Variants in TMLHE observed in about 807,000 individuals in gnomAD.
TMLHE encodes the protein trimethyllysine dioxygenase, mitochondrial.
Under a neutral mutation model 25.7 loss-of-function variants are expected in TMLHE, and 18 were observed. The ratio of observed to expected loss-of-function variants is 0.70; its 90% CI spans 0.48 to 1.04. The LOEUF is 1.04. Among genes scored for constraint, TMLHE ranks in the 50% least tolerant of loss-of-function variants. The probability of loss-of-function intolerance (pLI) is 0.00; values close to 1 mark genes in which losing one functional copy is unlikely to be tolerated. For synonymous variants in TMLHE, 105 were observed against 97.0 expected (o/e 1.08, Z -0.49); for missense variants, 236 against 259.0 (o/e 0.91, Z 0.61).
intron 1 of TMLHE, among the ~76,000 whole-genome samples, chrX:155,601,355 T>C (rs1202194362): frequency 8.9e-6 from 1 of 112,253 alleles, no homozygotes; most frequent in African/African-American, 3.2e-5. Flanking sequence ...CATAAAACAG[T>C]ATTTTTAAAA....
intron 1 of TMLHE, among the ~76,000 whole-genome samples, chrX:155,563,916 C>T (rs1557342011): frequency 1.6e-5 from 1 of 61,551 alleles, no homozygotes; most frequent in East Asian, 7.0e-4. Context: ...TGTCTGGTTG[C>T]CTTATTACAA....
At chrX:155,550,964 T>C (rs1357001118) in intron 1 of TMLHE, among the ~76,000 whole-genome samples, 1 of 110,686 alleles carries the variant, frequency 9.0e-6, no homozygotes, top group African/African-American at 3.3e-5. Flanking sequence ...ACCAAAGATA[T>C]TTTTACTTTT....
intron 1 of TMLHE, among the ~76,000 whole-genome samples, chrX:155,578,708 G>A (rs1340997829): frequency 2.2e-4 from 24 of 110,905 alleles, no homozygotes; most frequent in Admixed American, 1.1e-3. Flanking sequence ...CAAGCCACCC[G>A]GAGGCCCAAG....
chrX:155,595,144 T>G (rs1557346397), intron 1 of TMLHE, among the ~76,000 whole-genome samples: 1 of 111,962 alleles, frequency 8.9e-6, no homozygotes, highest in Admixed American at 9.5e-5. Flanking sequence ...ATGATGCCAT[T>G]CACGGTCAAG....
chrX:155,512,845 G>A, intron 4 of TMLHE, among the ~76,000 whole-genome samples: 2 of 111,835 alleles, frequency 1.8e-5, no homozygotes, highest in Middle Eastern at 4.6e-3. Context: ...TACCATTGTT[G>A]TTGTGTCTCT....
chrX:155,558,617 A>C (rs2067474439), intron 1 of TMLHE, among the ~76,000 whole-genome samples: 1 of 111,676 alleles, frequency 9.0e-6, no homozygotes, highest in Non-Finnish European at 1.9e-5. Context: ...GCTTAATCTT[A>C]ATGTCTGCTT....
intron 1 of TMLHE, among the ~76,000 whole-genome samples, chrX:155,568,920 C>T (rs2067527694): frequency 1.6e-5 from 1 of 61,591 alleles, no homozygotes; most frequent in African/African-American, 3.7e-5. Flanking sequence ...CTCTAAAAAG[C>T]AGAGCACCTC....
At chrX:155,527,658 A>C (rs2067227600) in intron 2 of TMLHE, among the ~76,000 whole-genome samples, 1 of 112,309 alleles carries the variant, frequency 8.9e-6, no homozygotes, top group African/African-American at 3.2e-5. Flanking sequence ...CCCAATTTAC[A>C]AAAGAAAAGA....
At chrX:155,547,885 C>T (rs782578941) in intron 1 of TMLHE, among the ~76,000 whole-genome samples, 2 of 110,918 alleles carry the variant, frequency 1.8e-5, no homozygotes, top group Admixed American at 9.6e-5. Flanking sequence ...TAATTAAAAT[C>T]TCCACACCTG....
Position 155,539,880 on chromosome X carries a change from G to A in TMLHE, c.181+5216C>T, listed in dbSNP as rs781871396. Among the ~76,000 whole-genome samples the A allele has an allele frequency of 2.0e-3, 223 of 110,755 alleles. 1 individual carries two copies. The highest frequency in any genetic ancestry group is 7.1e-3 in the African/African-American group (216 of 30,589). On this transcript the variant is annotated intron_variant, in intron 2 of 7. Coordinates refer to ENST00000334398, the MANE Select transcript of TMLHE (RefSeq NM_018196.4). Reference sequence around the variant, plus strand: ...AGAATCAAACAGAAATTCTGGAACTGAAGTATCTAATAATCGAATTGGAGA... The same window carrying A: ...AGAATCAAACAGAAATTCTGGAACTAAAGTATCTAATAATCGAATTGGAGA...
chrX:155,607,874 T>A (rs1371515241), intron 1 of TMLHE, among the ~76,000 whole-genome samples: 8 of 111,368 alleles, frequency 7.2e-5, no homozygotes, highest in Non-Finnish European at 3.8e-5. Flanking sequence ...ATATCTGCAA[T>A]GAGAATTACA....
At chrX:155,507,184 C>A (rs1469777471) in intron 5 of TMLHE, 50 bp from the exon 6 acceptor site, 1 of 828,765 alleles carries the variant, frequency 1.2e-6, no homozygotes, top group Non-Finnish European at 1.7e-6. Flanking sequence ...GAGAACATAT[C>A]AAAATTCTAG....
chrX:155,577,185 G>A (rs371382701), intron 1 of TMLHE, among the ~76,000 whole-genome samples: 8 of 112,151 alleles, frequency 7.1e-5, no homozygotes, highest in African/African-American at 2.6e-4. Flanking sequence ...CCATTAAAGA[G>A]TGGGCAAAAC....
At chrX:155,549,511 G>C (rs1231287682) in intron 1 of TMLHE, among the ~76,000 whole-genome samples, 6 of 110,307 alleles carry the variant, frequency 5.4e-5, no homozygotes, top group Non-Finnish European at 1.9e-5. Flanking sequence ...TTCTAGTAAA[G>C]TGGTTAATTA....
intron 3 of TMLHE, among the ~76,000 whole-genome samples, chrX:155,523,868 C>A (rs1417641256): frequency 1.8e-5 from 2 of 111,706 alleles, no homozygotes; most frequent in East Asian, 2.8e-4. Context: ...AGATCCTATA[C>A]ATATTTTGTT....
In TMLHE at chrX:155,603,369, T is replaced by TGAATGAAAGAAA. The variant is rs1341300723; in HGVS notation, c.-2+9422_-2+9423insTTTCTTTCATTC. ...AGAAAGAAGAAAAGAAAAGAAAGAA[T>TGAATGAAAGAAA]GAAAGAAAGAAAGAAAGAAAGAAAG... is the stretch of plus-strand genomic sequence containing the variant. On this transcript the variant is annotated intron_variant, in intron 1 of 7. Transcript: ENST00000334398. Among the ~76,000 whole-genome samples the TGAATGAAAGAAA allele has an allele frequency of 3.2e-3, 315 of 99,304 alleles. 6 individuals are homozygous for TGAATGAAAGAAA. Among genetic ancestry groups the TGAATGAAAGAAA allele is most frequent in the African/African-American group, 0.011 (287 of 25,750 alleles). 86.2% of individuals were successfully genotyped at this position (99,304 alleles called of 115,157 possible).
At chrX:155,601,814 A>G (rs2067757820) in intron 1 of TMLHE, among the ~76,000 whole-genome samples, 1 of 111,032 alleles carries the variant, frequency 9.0e-6, no homozygotes, top group Admixed American at 9.6e-5. Context: ...GAAGACATAA[A>G]CAGGTTAAAA....
At chrX:155,593,091 T>C (rs2067701984) in intron 1 of TMLHE, among the ~76,000 whole-genome samples, 1 of 111,332 alleles carries the variant, frequency 9.0e-6, no homozygotes, top group Non-Finnish European at 1.9e-5. Context: ...CTACTGAGCA[T>C]AGAAGATACT....
At chrX:155,512,342 C>T (rs1370682124) in intron 4 of TMLHE, among the ~76,000 whole-genome samples, 2 of 97,930 alleles carry the variant, frequency 2.0e-5, no homozygotes, top group Non-Finnish European at 4.1e-5. Flanking sequence ...CAACAGTCCC[C>T]AGAGTGTGAT....
Sources: allele counts gnomAD v4.1 joint callset (sites outside exome capture counted in the v4.1 genomes callset), GRCh38; gene constraint gnomAD v4.1.1; transcripts MANE v1.5; gene names NCBI Gene and HGNC (gene_info 2026-07-23, HGNC 2026-07-21).